LHX4: variants seen among roughly 807,000 people sequenced by gnomAD.
LHX4 encodes the protein LIM homeobox 4.
Under a neutral mutation model 39.2 loss-of-function variants are expected in LHX4, and 16 were observed. The observed-to-expected ratio is 0.41, with a 90% confidence interval of 0.28 to 0.62. LHX4 has a LOEUF of 0.62. Among genes scored for constraint, LHX4 ranks in the 20% least tolerant of loss-of-function variants. LHX4 has a pLI of 0.33. For synonymous variants in LHX4, 206 were observed against 198.1 expected, an observed-to-expected ratio of 1.04 and a Z score of -0.33; for missense variants, 439 against 511.9, an observed-to-expected ratio of 0.86 and a Z score of 1.37.
At chr1:180,271,760 C>A (rs1165727967) in intron 4 of LHX4, 75 bp from the exon 5 acceptor site, 7 of 1,557,528 alleles carry the variant, frequency 4.5e-6, no homozygotes, top group Non-Finnish European at 6.2e-6. Context: ...TTCCAGCCGC[C>A]CGCCTAGGGG....
chr1:180,258,237 C>T (rs1354585439), intron 2 of LHX4, among the ~76,000 whole-genome samples: 5 of 152,086 alleles, frequency 3.3e-5, no homozygotes. Context: ...CCAGGGGTGT[C>T]CCCCTGAGCA....
upstream of LHX4, chr1:180,230,262 C>A: frequency 5.5e-6 from 3 of 545,790 alleles, no homozygotes; most frequent in South Asian, 2.1e-5. This position sits in a 1 kb window ranked among gnomAD's most constrained non-coding sequence, Gnocchi z 5.8. Flanking sequence ...AGGAAAAAAG[C>A]CAGAGCTGCA....
chr1:180,266,585 A>G lies in LHX4; in HGVS notation c.442A>G (p.Lys148Glu). The G allele has an allele frequency of 1.2e-6, 2 of 1,614,086 alleles. No individual in the cohort carries two copies. The highest frequency in any genetic ancestry group is 1.7e-6 in the Non-Finnish European group (2 of 1,179,974). Residue 148 changes from lysine (K) to glutamate (E), a missense_variant, in exon 3 of 6, where the codon AAG (lysine) becomes GAG (glutamate). Lys to Glu is a moderately conservative substitution (Grantham distance 56). Transcript: ENST00000263726. This position sits in a 1 kb window ranked among gnomAD's most constrained non-coding sequence, Gnocchi z 5.7. ...LVCKEDYETA[K>E]QNDDSEAGAK... The stretch of plus-strand genomic sequence containing the variant: ...GTGCAAGGAAGACTACGAGACAGCC[A>G]AGCAGAACGGTAAGCAGCATGGCCC...
chr1:180,239,797 T>A (rs1664407499), intron 1 of LHX4, among the ~76,000 whole-genome samples: 1 of 152,240 alleles, frequency 6.6e-6, no homozygotes, highest in Non-Finnish European at 1.5e-5. Flanking sequence ...TTGAAAGTAC[T>A]TGACCAAGTT....
chr1:180,235,426 C>T (rs1449040221), intron 1 of LHX4, among the ~76,000 whole-genome samples: 1 of 152,242 alleles, frequency 6.6e-6, no homozygotes, highest in Non-Finnish European at 1.5e-5. Context: ...AACCTCTCTT[C>T]CTCTCCAGAC....
intron 2 of LHX4, among the ~76,000 whole-genome samples, chr1:180,263,680 T>C (rs1648198631): frequency 6.6e-6 from 1 of 152,248 alleles, no homozygotes; most frequent in Non-Finnish European, 1.5e-5. Context: ...GCCACCCTCA[T>C]GCATGAATCA....
At chr1:180,259,898 C>T (rs76906726) in intron 2 of LHX4, among the ~76,000 whole-genome samples, 2,833 of 151,608 alleles carry the variant, frequency 0.019, 159 homozygotes, top group African/African-American at 0.066. Flanking sequence ...TTGGAAGTGA[C>T]CCCTGGAGCT....
At chr1:180,255,726 T>A (rs1647827600) in intron 2 of LHX4, among the ~76,000 whole-genome samples, 1 of 152,132 alleles carries the variant, frequency 6.6e-6, no homozygotes. Flanking sequence ...CGGAGGAGGA[T>A]TGTCTGCCCG....
chr1:180,255,719 A>G (rs867519029), intron 2 of LHX4, among the ~76,000 whole-genome samples: 2 of 152,200 alleles, frequency 1.3e-5, no homozygotes, highest in Admixed American at 6.5e-5. Context: ...GATGAGTCGG[A>G]GGAGGATTGT....
intron 2 of LHX4, among the ~76,000 whole-genome samples, chr1:180,258,030 A>G (rs1647939939): frequency 6.6e-6 from 1 of 152,242 alleles, no homozygotes; most frequent in African/African-American, 2.4e-5. Context: ...TTCATCATAC[A>G]TGCACTGAGC....
upstream of LHX4, among the ~76,000 whole-genome samples, chr1:180,229,899 C>T (rs1664124230): frequency 6.9e-6 from 1 of 145,848 alleles, no homozygotes; most frequent in African/African-American, 2.6e-5. Context: ...GGCAGGCCAT[C>T]AGCAGAATTT....
intron 1 of LHX4, among the ~76,000 whole-genome samples, chr1:180,242,204 CT>C (rs1003517223): frequency 2.0e-5 from 3 of 151,306 alleles, no homozygotes; most frequent in Non-Finnish European, 4.4e-5. Flanking sequence ...TCAGAATTGG[CT>C]TTTTTTTTCC....
chr1:180,229,766 G>C (rs909344364), upstream of LHX4, among the ~76,000 whole-genome samples: 1 of 151,010 alleles, frequency 6.6e-6, no homozygotes, highest in African/African-American at 2.4e-5. Flanking sequence ...CTCGGCCCCG[G>C]CTCGGCTCCG....
At chr1:180,246,466 T>A (rs1176018739) in intron 1 of LHX4, among the ~76,000 whole-genome samples, 1 of 151,990 alleles carries the variant, frequency 6.6e-6, no homozygotes, top group Non-Finnish European at 1.5e-5. Context: ...AATCCCAGCA[T>A]TTTGGGAGGC....
Position 180,230,396 on chromosome 1 carries a change from G to T in LHX4, c.-134G>T. The T allele has an allele frequency of 1.3e-6, 1 of 756,672 alleles. No homozygotes were observed. Among genetic ancestry groups the T allele is most frequent in the Non-Finnish European group, 2.3e-6 (1 of 438,964 alleles). The allele number at this position is 756,672 out of a possible 1,614,324, so 46.9% of individuals were successfully genotyped here. On this transcript the variant is annotated 5_prime_UTR_variant, in exon 1 of 6. The change creates a premature stop within an existing upstream ORF in the 5' untranslated region. Transcript: ENST00000263726. The surrounding 1 kb of genome is among the most constrained non-coding windows in gnomAD (Gnocchi z 5.8). ...GCCTGTGGAGTCCTCCCTGAGAAGC[G>T]GAGGGCCCGGCTTCCACCGTGACTC...
chr1:180,235,566 G>C (rs1354288045), intron 1 of LHX4, among the ~76,000 whole-genome samples: 1 of 152,248 alleles, frequency 6.6e-6, no homozygotes, highest in East Asian at 1.9e-4. Context: ...TTCGGAGCGG[G>C]GAGGCCGCCG....
chr1:180,274,734 C>T lies in LHX4; in HGVS notation c.*155C>T. 1.2e-6 allele frequency: 1 copy of T among 850,958 alleles called. No homozygotes were observed. Among genetic ancestry groups the T allele is most frequent in the Non-Finnish European group, 1.8e-6 (1 of 561,708 alleles). The allele number at this position is 850,958 out of a possible 1,614,324, so 52.7% of individuals were successfully genotyped here. The stretch of plus-strand genomic sequence containing the variant: ...CGCTGATTCCTAGAAGGCTGTGAGA[C>T]CACACTAGGGCATTGTTTCCCTGGG... On this transcript the variant is annotated 3_prime_UTR_variant, in exon 6 of 6. Transcript: ENST00000263726.
At chr1:180,249,149 A>G (rs920646845) in intron 2 of LHX4, among the ~76,000 whole-genome samples, 2 of 152,240 alleles carry the variant, frequency 1.3e-5, no homozygotes, top group Non-Finnish European at 1.5e-5. Context: ...TCACAGTAGT[A>G]GTCCCTACCT....
In LHX4 at chr1:180,274,686, C is replaced by A; in HGVS notation, c.*107C>A. On this transcript the variant is annotated 3_prime_UTR_variant, in exon 6 of 6. Transcript: ENST00000263726. ...TCGAAAGTACGCCAATGTGAATTTC[C>A]ATTATTTTCAATGGAAGTCCTCCGC... 2 of 1,313,774 alleles carry A rather than the reference C, an allele frequency of 1.5e-6. No homozygotes were observed. Among genetic ancestry groups the A allele is most frequent in the Non-Finnish European group, 1.0e-6 (1 of 966,004 alleles). The allele number at this position is 1,313,774 out of a possible 1,614,324, so 81.4% of individuals were successfully genotyped here.
Sources: gnomAD v4.1 joint callset for allele counts (sites outside exome capture counted in the v4.1 genomes callset) on GRCh38, gnomAD v4.1.1 for gene constraint, Gnocchi (gnomAD v3.1) non-coding constraint, MANE v1.5 for transcripts, NCBI Gene and HGNC (gene_info 2026-07-23, HGNC 2026-07-21) for gene names.